Variants in PEX1 observed in about 807,000 individuals in gnomAD.
The protein encoded by PEX1 is peroxisomal biogenesis factor 1.
Under a neutral mutation model 152.5 loss-of-function variants are expected in PEX1, and 97 were observed. The observed-to-expected ratio is 0.64, with a 90% confidence interval of 0.54 to 0.75. PEX1 has a LOEUF of 0.75. PEX1 is among the 30% of genes least tolerant of loss of function. The pLI is 0.00. For synonymous variants in PEX1, 485 were observed against 531.6 expected, an observed-to-expected ratio of 0.91 and a Z score of 1.21; for missense variants, 1,357 against 1,516.3, an observed-to-expected ratio of 0.89 and a Z score of 1.74.
intron 9 of PEX1, 120 bp from the exon 10 acceptor site, chr7:92,507,246 T>A: frequency 3.0e-6 from 1 of 335,042 alleles, no homozygotes; most frequent in South Asian, 4.4e-5. Context: ...ATTTTTTATC[T>A]TTTTTTTTTT....
Position 92,528,361 on chromosome 7 carries a change from G to A in PEX1, c.75C>T (p.Arg25=). 1 of 1,584,424 alleles carries A rather than the reference G, an allele frequency of 6.3e-7. No homozygotes were observed. ...AAVTVAFTNA[R]DCFLHLPRRL... ...GCCGCGGCAGGTGGAGGAAGCAGTC[G>A]CGAGCGTTGGTGAAGGCCACAGTCA... The change falls in exon 1 of 24, where the codon CGC becomes CGT. Residue 25 remains arginine (R), a synonymous_variant. Coordinates refer to ENST00000248633, the MANE Select transcript of PEX1 (RefSeq NM_000466.3).
chr7:92,510,160 T>C (rs38805), intron 8 of PEX1, among the ~76,000 whole-genome samples: 131,750 of 149,670 alleles, frequency 0.88, 57,880 homozygotes, highest in East Asian at 0.96. Context: ...AAAAAAAAGA[T>C]GACTCTTAAA....
At chr7:92,499,622 A>T (rs1791825653) in intron 16 of PEX1, 82 bp downstream of exon 16, 1 of 1,193,508 alleles carries the variant, frequency 8.4e-7, no homozygotes, top group Non-Finnish European at 1.2e-6. Context: ...ACTAAATGCC[A>T]GTGAATTTAC....
intron 7 of PEX1, among the ~76,000 whole-genome samples, chr7:92,511,271 T>C (rs1231543238): frequency 2.0e-5 from 3 of 152,040 alleles, no homozygotes; most frequent in African/African-American, 7.3e-5. Context: ...ACTACAGGCA[T>C]ACACCACTAT....
rs67750906 is a variant in PEX1, at chr7:92,515,067, CTATATATA to C, written c.1240-1108_1240-1101del. 3.4e-3 allele frequency among the ~76,000 whole-genome samples: 427 copies of C among 125,106 alleles called. 11 individuals carry two copies. Among genetic ancestry groups the C allele is most frequent in the South Asian group, 5.3e-3 (21 of 3,998 alleles). The allele number at this position is 125,106 out of a possible 152,430, so 82.1% of individuals were successfully genotyped here. A position where few individuals can be genotyped will look rare whatever the true frequency, so the allele number is the denominator to read the frequency against. ...GTCTCAAGAAAAAAAAAAAAATTATCTATATATATATATATATATATATATATATATAT... is the reference window on the plus strand; with the variant it reads ...GTCTCAAGAAAAAAAAAAAAATTATCTATATATATATATATATATATATAT... On this transcript the variant is annotated intron_variant, in intron 5 of 23. Transcript: ENST00000248633.
intron 15 of PEX1, among the ~76,000 whole-genome samples, chr7:92,500,765 AAC>A (rs1168481475): frequency 6.6e-6 from 1 of 152,234 alleles, no homozygotes; most frequent in Non-Finnish European, 1.5e-5. Context: ...CTCTGATTAA[AAC>A]ACACTACCTC....
rs1790988886 is a variant in PEX1, at chr7:92,487,487, A to C, written c.3822T>G (p.Phe1274Leu). 6.3e-6 allele frequency: 10 copies of C among 1,596,626 alleles called. No individual in the cohort carries two copies. The highest frequency in any genetic ancestry group is 8.6e-6 in the Non-Finnish European group (10 of 1,166,630). The change falls in exon 24 of 24, where the codon TTT becomes TTG. Residue 1274 changes from phenylalanine to leucine, a missense_variant. Physicochemically the swap from Phe to Leu is conservative, Grantham distance 22. Coordinates refer to ENST00000248633, the MANE Select transcript of PEX1 (RefSeq NM_000466.3). ...CTAAAGTTACTTTCTGTCCAGGTCG[A>C]AACATTGTTCCACTTTGATTTTTTC... ...KRRKNQSGTM[F>L]RPGQKVTLA is the part of the protein sequence containing the mutation.
chr7:92,521,015 C>T (rs977287386), intron 2 of PEX1, among the ~76,000 whole-genome samples: 6 of 152,116 alleles, frequency 3.9e-5, no homozygotes, highest in Non-Finnish European at 7.4e-5. Flanking sequence ...TGCTATTGCC[C>T]GGGCTGGAGT....
chr7:92,519,368 G>T (rs1792952423), intron 2 of PEX1, among the ~76,000 whole-genome samples: 1 of 152,102 alleles, frequency 6.6e-6, no homozygotes, highest in Non-Finnish European at 1.5e-5. Flanking sequence ...GGGAAAACAG[G>T]TGCAAGCCAC....
rs1792463787 is a variant in PEX1 at position 92,511,476 on chromosome 7, T to G, written c.1483+104A>C. ...TACTGTTTAATTATCATAATTATAT[T>G]TCACTATTCACATACTGTTCACAGG... On this transcript the variant is annotated intron_variant, in intron 7 of 23. Transcript: ENST00000248633. 5.7e-6 allele frequency: 5 copies of G among 873,318 alleles called. No homozygotes were observed. The Admixed American group carries it at 7.1e-5, about 12-fold the overall frequency. 54.1% of individuals were successfully genotyped at this position (873,318 alleles called of 1,614,324 possible). A position where few individuals can be genotyped will look rare whatever the true frequency, so the allele number is the denominator to read the frequency against.
chr7:92,492,446 C>T (rs372540788), intron 20 of PEX1, among the ~76,000 whole-genome samples: 3 of 152,246 alleles, frequency 2.0e-5, no homozygotes, highest in Non-Finnish European at 4.4e-5. Context: ...GGATTACAGG[C>T]GTGAACCACT....
At chr7:92,516,008 A>AAAGAAAAGAGAAGAGAAGAG (rs1452002272) in intron 5 of PEX1, among the ~76,000 whole-genome samples, 8 of 103,500 alleles carry the variant, frequency 7.7e-5, no homozygotes, top group African/African-American at 2.9e-4. Context: ...AAAGAAAAGA[A>AAAGAAAAGAGAAGAGAAGAG]AAGAGAAGAG....
At chr7:92,509,620 T>C (rs1244759626) in intron 8 of PEX1, among the ~76,000 whole-genome samples, 3 of 152,236 alleles carry the variant, frequency 2.0e-5, no homozygotes, top group African/African-American at 7.2e-5. Flanking sequence ...AAGAATGTTA[T>C]TGCCTTAATA....
At position 92,487,384 on chromosome 7, in the gene PEX1, AT is replaced by A; in HGVS notation, c.*72del. 2.5e-5 allele frequency: 20 copies of A among 789,404 alleles called. No individual in the cohort carries two copies. Among genetic ancestry groups the A allele is most frequent in the South Asian group, 4.6e-5 (3 of 64,634 alleles). 48.9% of individuals were successfully genotyped at this position (789,404 alleles called of 1,614,324 possible). ...AATTAAGAAGAAATTCATAGACACC[AT>A]TTTTTTCCTGTTACAACATATGGAA... On this transcript the variant is annotated 3_prime_UTR_variant, in exon 24 of 24. Coordinates refer to ENST00000248633, the MANE Select transcript of PEX1 (RefSeq NM_000466.3).
chr7:92,490,343 G>A (rs924668502), intron 21 of PEX1: 2 of 219,614 alleles, frequency 9.1e-6, no homozygotes, highest in African/African-American at 4.8e-5. Flanking sequence ...TATTTTTAAA[G>A]TCTGAGTTAG....
chr7:92,499,736 G>A lies in PEX1; in HGVS notation c.2686C>T (p.Arg896Ter), dbSNP rs1057517485. Residue 896 changes from arginine (R) to a stop codon, truncating the protein, a stop_gained, in exon 16 of 24, where the codon CGA (arginine) becomes TGA (stop). Coordinates refer to ENST00000248633, the MANE Select transcript of PEX1 (RefSeq NM_000466.3). LOFTEE classifies it high-confidence loss of function. ...CTTATAAAATTCATTCTACTCTCTC[G>A]TGCAATTACCCCAGCTAGTAAGGTT... Reference protein sequence around the residue: ...GKTLLAGVIARESRMNFISVK... With the variant: ...GKTLLAGVIA The A allele has an allele frequency of 1.2e-6, 2 of 1,612,998 alleles. No individual in the cohort carries two copies. The highest frequency in any genetic ancestry group is 1.1e-5 in the South Asian group (1 of 91,058).
chr7:92,487,645 G>A, intron 23 of PEX1, 104 bp from the exon 24 acceptor site: 3 of 505,906 alleles, frequency 5.9e-6, no homozygotes, highest in Non-Finnish European at 6.9e-6. Context: ...AAATGAACGG[G>A]AAATAACAAA....
intron 9 of PEX1, 183 bp from the exon 10 acceptor site, chr7:92,507,309 G>A: frequency 1.9e-6 from 1 of 532,314 alleles, no homozygotes; most frequent in Non-Finnish European, 3.3e-6. Context: ...TGTGAACCCA[G>A]CTCCCTGCAG....
intron 16 of PEX1, among the ~76,000 whole-genome samples, chr7:92,499,142 G>A (rs979102660): frequency 6.6e-6 from 1 of 152,222 alleles, no homozygotes; most frequent in African/African-American, 2.4e-5. Flanking sequence ...TGCAGTTGGT[G>A]TGAAAGACAG....
Sources: allele counts gnomAD v4.1 joint callset (sites outside exome capture counted in the v4.1 genomes callset), GRCh38; gene constraint gnomAD v4.1.1; transcripts MANE v1.5; gene names NCBI Gene and HGNC (gene_info 2026-07-23, HGNC 2026-07-21).